Variants in CCDC32 observed in about 807,000 individuals in gnomAD.
CCDC32 encodes coiled-coil domain-containing protein 32.
CCDC32 carries 9 observed loss-of-function variants against 20.1 expected under a neutral mutation model. That is an observed-to-expected ratio of 0.45 (90% confidence interval 0.27 to 0.78). The LOEUF (loss-of-function observed/expected upper bound fraction) is 0.78, where lower values mean the gene tolerates loss of function less well. Ranked by LOEUF, CCDC32 falls within the 30% of genes least tolerant of loss-of-function variation. The pLI is 0.16. For missense variants in CCDC32, 204 were observed against 215.5 expected, an observed-to-expected ratio of 0.95 and a Z score of 0.33; for synonymous variants, 63 against 79.0, an observed-to-expected ratio of 0.80 and a Z score of 1.07.
At chr15:40,554,666 A>T (rs1890118082) in intron 3 of CCDC32, among the ~76,000 whole-genome samples, 1 of 152,134 alleles carries the variant, frequency 6.6e-6, no homozygotes, top group South Asian at 2.1e-4. Context: ...CTAAGATAAA[A>T]ACATCTGAGC....
At chr15:40,526,316 C>T (rs1288510549), downstream of CCDC32, among the ~76,000 whole-genome samples, 1 of 152,138 alleles carries the variant, frequency 6.6e-6, no homozygotes, top group East Asian at 1.9e-4. Context: ...TGATTAGCTA[C>T]TGTATGCCAG....
At chr15:40,543,701 C>T (rs1446355401) in intron 3 of CCDC32, among the ~76,000 whole-genome samples, 1 of 152,216 alleles carries the variant, frequency 6.6e-6, no homozygotes, top group Non-Finnish European at 1.5e-5. Flanking sequence ...GATCCACCCA[C>T]CTCAGCCTCC....
chr15:40,551,098 C>T (rs551562874), downstream of CCDC32, among the ~76,000 whole-genome samples: 13 of 152,094 alleles, frequency 8.5e-5, no homozygotes, highest in African/African-American at 2.9e-4. Context: ...AAAAATCCAT[C>T]CTGGCAGGGC....
At chr15:40,532,302 C>T (rs1888905531), downstream of CCDC32, 2 of 702,778 alleles carry the variant, frequency 2.8e-6, no homozygotes, top group East Asian at 2.7e-5. Flanking sequence ...ATTGTAGTCA[C>T]CTGGAAAAGA....
chr15:40,533,961 A>G (rs908237112), downstream of CCDC32, among the ~76,000 whole-genome samples: 5 of 152,244 alleles, frequency 3.3e-5, no homozygotes, highest in African/African-American at 1.2e-4. Context: ...AGATCCCAAG[A>G]GGGGCTGGTG....
At chr15:40,539,880 A>ACACACACACACACACACCCC (rs769226221) in intron 3 of CCDC32, among the ~76,000 whole-genome samples, 1 of 139,040 alleles carries the variant, frequency 7.2e-6, no homozygotes, top group South Asian at 2.4e-4. Context: ...ACACACACAC[A>ACACACACACACACACACCCC]CCCCGCTCCT....
chr15:40,564,898 G>C (rs1424662682), intron 1 of CCDC32, 78 bp downstream of exon 1: 1 of 1,326,510 alleles, frequency 7.5e-7, no homozygotes, highest in East Asian at 2.3e-5. Context: ...CAGGTCCCAA[G>C]GCCTCTATGT....
chr15:40,556,208 A>G (rs147726191), intron 3 of CCDC32, among the ~76,000 whole-genome samples: 194 of 152,288 alleles, frequency 1.3e-3, no homozygotes, highest in African/African-American at 4.3e-3. Flanking sequence ...TTCTGCATCT[A>G]AACTACTTGC....
intron 3 of CCDC32, among the ~76,000 whole-genome samples, chr15:40,544,308 G>T (rs1889523568): frequency 6.6e-6 from 1 of 152,088 alleles, no homozygotes; most frequent in Admixed American, 6.5e-5. Context: ...CAACCTCCTG[G>T]GCTCAAGCAA....
intron 3 of CCDC32, among the ~76,000 whole-genome samples, chr15:40,546,140 TATC>T (rs1256630314): frequency 6.6e-6 from 1 of 152,134 alleles, no homozygotes; most frequent in African/African-American, 2.4e-5. Context: ...TCATCTCTAA[TATC>T]ATGTTTATTT....
chr15:40,560,147 C>A (rs1890520087), intron 2 of CCDC32, among the ~76,000 whole-genome samples: 1 of 152,114 alleles, frequency 6.6e-6, no homozygotes, highest in Non-Finnish European at 1.5e-5. Context: ...GTAGCTGGGA[C>A]TATAGGTGTG....
At chr15:40,559,591 T>G (rs1890482727) in intron 2 of CCDC32, among the ~76,000 whole-genome samples, 1 of 152,220 alleles carries the variant, frequency 6.6e-6, no homozygotes, top group Non-Finnish European at 1.5e-5. Context: ...AAATTTCACA[T>G]TACTCCCTAT....
intron 3 of CCDC32, chr15:40,539,475 G>A (rs935041502): frequency 5.0e-5 from 41 of 821,286 alleles, no homozygotes; most frequent in East Asian, 4.8e-4. Context: ...GCGAAGGTGC[G>A]AGGAAGTGAG....
downstream of CCDC32, among the ~76,000 whole-genome samples, chr15:40,532,720 T>C (rs896928950): frequency 1.2e-4 from 17 of 139,390 alleles, no homozygotes; most frequent in African/African-American, 4.0e-4. Flanking sequence ...CTTTCTTTTT[T>C]TTTTTTTTTT....
chr15:40,527,586 G>A (rs1427809628), downstream of CCDC32, among the ~76,000 whole-genome samples: 1 of 152,228 alleles, frequency 6.6e-6, no homozygotes, highest in African/African-American at 2.4e-5. Flanking sequence ...TCTTTAAGAG[G>A]TGATTGGATA....
downstream of CCDC32, among the ~76,000 whole-genome samples, chr15:40,551,809 C>CAAAAAAA (rs59499493): frequency 7.9e-4 from 76 of 96,344 alleles, 4 homozygotes; most frequent in African/African-American, 2.3e-3. Flanking sequence ...GACCCTGTCT[C>CAAAAAAA]AAAAAAAAAA....
chr15:40,564,645 A>AAG, intron 1 of CCDC32: 1 of 1,395,258 alleles, frequency 7.2e-7, no homozygotes, highest in Non-Finnish European at 1.0e-6. Flanking sequence ...AGCCAGCGTA[A>AAG]AGGCCGGAAG....
chr15:40,550,459 A>T (rs1030262302), downstream of CCDC32, among the ~76,000 whole-genome samples: 3 of 152,212 alleles, frequency 2.0e-5, no homozygotes, highest in African/African-American at 4.8e-5. Flanking sequence ...CTGAAAAGGA[A>T]CTGGAACATG....
chr15:40,542,740 G>T (rs1392089500), intron 3 of CCDC32, among the ~76,000 whole-genome samples: 1 of 152,062 alleles, frequency 6.6e-6, no homozygotes, highest in African/African-American at 2.4e-5. Context: ...ATGGTGGCAG[G>T]CACCTGTAGT....
Sources: gnomAD v4.1 joint callset for allele counts (sites outside exome capture counted in the v4.1 genomes callset) on GRCh38, gnomAD v4.1.1 for gene constraint, MANE v1.5 for transcripts, NCBI Gene and HGNC (gene_info 2026-07-23, HGNC 2026-07-21) for gene names.